The following NLRC5 variants were observed in gnomAD, a reference collection of about 807,000 sequenced individuals.
NLRC5 encodes protein NLRC5.
Under a neutral mutation model 206.9 loss-of-function variants are expected in NLRC5, and 114 were observed. The ratio of observed to expected loss-of-function variants is 0.55; its 90% CI spans 0.47 to 0.64. NLRC5 has a LOEUF of 0.64. Among genes scored for constraint, NLRC5 ranks in the 30% least tolerant of loss-of-function variants. The pLI is 0.00. For missense variants in NLRC5, 2,008 were observed against 2,305.5 expected (o/e 0.87, Z 2.64); for synonymous variants, 952 against 962.8 (o/e 0.99, Z 0.21).
rs1418809035 is a variant in NLRC5 at position 57,026,032 on chromosome 16, C to T, written c.1089C>T (p.His363=). Residue 363 remains histidine (H), a synonymous_variant, in exon 6 of 49, where the codon CAC becomes CAT. Transcript: ENST00000688547. ...TGCCTGCAGAGGCAGCCATGGTCCA[C>T]ATGTTGGGCTTTGATGGGCCACGGG... ...ACLPAEAAMV[H]MLGFDGPRVE... The T allele has an allele frequency of 6.2e-7, 1 of 1,614,080 alleles. No individual in the cohort carries two copies. Among genetic ancestry groups the T allele is most frequent in the Non-Finnish European group, 8.5e-7 (1 of 1,180,052 alleles).
At chr16:57,015,925 CAAAAAAAAAA>C (rs35216159) in intron 1 of NLRC5, among the ~76,000 whole-genome samples, 3 of 39,664 alleles carry the variant, frequency 7.6e-5, no homozygotes, top group Non-Finnish European at 1.4e-4. Context: ...AACTCCATCT[CAAAAAAAAAA>C]AAAAAAAAAA....
In NLRC5 at chr16:57,081,461, G is replaced by T. The variant is rs569857861; in HGVS notation, c.5406-66G>T. 961 of 1,481,230 alleles carry T rather than the reference G, an allele frequency of 6.5e-4. 1 individual carries two copies. Among genetic ancestry groups the T allele is most frequent in the Non-Finnish European group, 8.1e-4 (855 of 1,061,050 alleles). 91.8% of individuals were successfully genotyped at this position (1,481,230 alleles called of 1,614,324 possible). On this transcript the variant is annotated intron_variant, in intron 47 of 48. Transcript: ENST00000688547. ...ACCTTGGCCTGAGGAAGGGACCTAGGAAACTCTCACACCCATTCTCATGGC... is the reference window on the plus strand; with the variant it reads ...ACCTTGGCCTGAGGAAGGGACCTAGTAAACTCTCACACCCATTCTCATGGC...
intron 29 of NLRC5, 175 bp from the exon 30 acceptor site, chr16:57,059,288 CCAGG>C (rs1257056710): frequency 3.4e-5 from 49 of 1,460,922 alleles, no homozygotes; most frequent in Non-Finnish European, 4.3e-5. Flanking sequence ...GGTGGGAAGG[CCAGG>C]TATTGCCATG....
At chr16:57,009,328 T>G (rs2059248746) in intron 1 of NLRC5, among the ~76,000 whole-genome samples, 1 of 151,250 alleles carries the variant, frequency 6.6e-6, no homozygotes, top group Non-Finnish European at 1.5e-5. Flanking sequence ...GCGCAGTGGC[T>G]CATGCCTCTA....
chr16:57,044,985 G>A (rs762922191), intron 20 of NLRC5, among the ~76,000 whole-genome samples: 2 of 151,386 alleles, frequency 1.3e-5, no homozygotes, highest in Non-Finnish European at 2.9e-5. Flanking sequence ...CAGGAGGATC[G>A]TTTGAGCCAT....
intron 38 of NLRC5, 182 bp from the exon 39 acceptor site, chr16:57,074,418 C>A: frequency 1.7e-6 from 1 of 605,812 alleles, no homozygotes; most frequent in African/African-American, 1.8e-5. Context: ...CTCAGTAATT[C>A]ATGCAGAGAA....
At position 57,077,292 on chromosome 16, in the gene NLRC5, C is replaced by T. The variant is rs370870122; in HGVS notation, c.4836-4C>T. 6.4e-5 allele frequency: 104 copies of T among 1,613,898 alleles called. 1 individual carries two copies. The African/African-American group carries it at 1.3e-3, about 20-fold the overall frequency. ...AGGCTGATGAAGCTGTTTTCTCCCC[C>T]AAGCTTGAGCCACAACCAGATTGGA... On this transcript the variant is annotated splice_region_variant and splice_polypyrimidine_tract_variant and intron_variant, in intron 40 of 48. Transcript: ENST00000688547.
At chr16:57,008,048 G>T (rs2059112039) in intron 1 of NLRC5, among the ~76,000 whole-genome samples, 1 of 151,632 alleles carries the variant, frequency 6.6e-6, no homozygotes, top group Non-Finnish European at 1.5e-5. Flanking sequence ...TGAGTTTTGT[G>T]TCATGCTTAG....
At chr16:57,032,989 C>T (rs1434270447) in intron 11 of NLRC5, among the ~76,000 whole-genome samples, 1 of 151,824 alleles carries the variant, frequency 6.6e-6, no homozygotes, top group Admixed American at 6.6e-5. Flanking sequence ...TGAGTGGGAC[C>T]CTGTCTCTAA....
intron 11 of NLRC5, among the ~76,000 whole-genome samples, chr16:57,033,343 G>C (rs186209348): frequency 3.5e-4 from 53 of 152,312 alleles, no homozygotes; most frequent in African/African-American, 1.2e-3. Context: ...AAAGGGAGCC[G>C]ACTGCAGTGA....
intron 6 of NLRC5, among the ~76,000 whole-genome samples, chr16:57,027,238 T>C (rs1229060434): frequency 6.6e-6 from 1 of 152,208 alleles, no homozygotes; most frequent in Admixed American, 6.5e-5. Flanking sequence ...TCAGTCTCTC[T>C]GTCAATCATG....
chr16:56,998,715 C>T (rs951329838), intron 1 of NLRC5, among the ~76,000 whole-genome samples: 1 of 152,200 alleles, frequency 6.6e-6, no homozygotes, highest in Non-Finnish European at 1.5e-5. Flanking sequence ...TATTTTGAGA[C>T]AAGTGATATC....
In NLRC5 at chr16:57,077,664, G is replaced by A. The variant is rs115124824; in HGVS notation, c.4920-55G>A. On this transcript the variant is annotated intron_variant, in intron 41 of 48. Coordinates refer to ENST00000688547, the MANE Select transcript of NLRC5 (RefSeq NM_001384950.1). ...GGGTGGCAGACCCAGCAGATGTGCT[G>A]GGGTGTCGGGGAGAGGGGGCATCAG... 1.7e-3 allele frequency: 2,599 copies of A among 1,504,164 alleles called. 33 individuals are homozygous for A. In the African/African-American group the frequency reaches 0.031, roughly 18 times the overall value. 93.2% of individuals were successfully genotyped at this position (1,504,164 alleles called of 1,614,324 possible). A position where few individuals can be genotyped will look rare whatever the true frequency, so the allele number is the denominator to read the frequency against.
intron 23 of NLRC5, 52 bp from the exon 24 acceptor site, chr16:57,051,486 C>A: frequency 7.2e-7 from 1 of 1,384,904 alleles, no homozygotes; most frequent in South Asian, 1.2e-5. Context: ...GGCCGTGCTC[C>A]CTGCTTTCCT....
intron 48 of NLRC5, among the ~76,000 whole-genome samples, chr16:57,082,045 C>T (rs891196038): frequency 2.0e-5 from 3 of 152,232 alleles, no homozygotes; most frequent in Non-Finnish European, 4.4e-5. Context: ...ACATTGTCAA[C>T]CTGCTAGATT....
In NLRC5 at chr16:57,074,629, C is replaced by G; in HGVS notation, c.4697C>G (p.Thr1566Ser). The part of the protein sequence containing the change: ...DLSHLLLNSS[T>S]LALLTHRLSQ... ...AGTCACCTTCTGCTGAACAGCTCCA[C>G]CTTGGCCTTGCTTACTCACAGACTA... The change falls in exon 39 of 49, where the codon ACC (threonine) becomes AGC (serine). Residue 1566 changes from threonine (T) to serine (S), a missense_variant. Thr to Ser is a moderately conservative substitution (Grantham distance 58, BLOSUM62 1). Coordinates refer to ENST00000688547, the MANE Select transcript of NLRC5 (RefSeq NM_001384950.1). 1.9e-6 allele frequency: 3 copies of G among 1,614,024 alleles called. No homozygotes were observed. The highest frequency in any genetic ancestry group is 2.5e-6 in the Non-Finnish European group (3 of 1,179,900).
At chr16:57,055,811 G>T (rs185665360) in intron 27 of NLRC5, among the ~76,000 whole-genome samples, 1 of 152,186 alleles carries the variant, frequency 6.6e-6, no homozygotes, top group South Asian at 2.1e-4. Flanking sequence ...GGGCTAAAAC[G>T]CAGGATTCAT....
chr16:57,059,640 G>A (rs2066157278), intron 30 of NLRC5, 108 bp downstream of exon 30: 4 of 1,031,980 alleles, frequency 3.9e-6, no homozygotes, highest in Non-Finnish European at 5.4e-6. Flanking sequence ...CCTTTAGAGA[G>A]CAGCTTCAAG....
At chr16:57,043,403 T>C in intron 19 of NLRC5, 112 bp from the exon 20 acceptor site, 1 of 841,986 alleles carries the variant, frequency 1.2e-6, no homozygotes, top group South Asian at 1.3e-5. Flanking sequence ...TTGGGTTCAG[T>C]GGGTTCCGTC....
Sources: gnomAD v4.1 joint callset for allele counts (sites outside exome capture counted in the v4.1 genomes callset) on GRCh38, gnomAD v4.1.1 for gene constraint, MANE v1.5 for transcripts, NCBI Gene and HGNC (gene_info 2026-07-23, HGNC 2026-07-21) for gene names.